Variants in EGR3 observed in about 807,000 individuals in gnomAD.
EGR3 encodes early growth response protein 3.
In EGR3, 4 loss-of-function variants were observed where a neutral mutation model predicts 22.4. The ratio of observed to expected loss-of-function variants is 0.18; its 90% confidence interval spans 0.09 to 0.41. The LOEUF (loss-of-function observed/expected upper bound fraction) is 0.41. EGR3 is among the 10% of genes least tolerant of loss of function. The pLI is 1.00. For missense variants in EGR3, 315 were observed against 541.3 expected, an observed-to-expected ratio of 0.58 and a Z score of 4.15; for synonymous variants, 219 against 226.8, an observed-to-expected ratio of 0.97 and a Z score of 0.31.
Position 22,690,097 on chromosome 8 carries a change from A to C in EGR3, c.*376T>G. 3.8e-6 allele frequency: 1 copy of C among 260,522 alleles called. No homozygotes were observed. Among genetic ancestry groups the C allele is most frequent in the Non-Finnish European group, 7.3e-6 (1 of 136,654 alleles). 16.1% of individuals were successfully genotyped at this position (260,522 alleles called of 1,614,324 possible). ...GGGGTATAGAGGGAGACGTGGGGGA[A>C]ACAATGAGGTGTTTGGGTCGGGCGA... On this transcript the variant is annotated 3_prime_UTR_variant, in exon 2 of 2. Coordinates refer to ENST00000317216, the MANE Select transcript of EGR3 (RefSeq NM_004430.3).
rs1803847687 is a variant in EGR3, at chr8:22,688,794, T to G, written c.*1679A>C. ...CTGTGGCAGAGAGCAACCTTCCCTATTACTCCACTTCAAAGGAGCCACCCT... is the reference window on the plus strand; with the variant it reads ...CTGTGGCAGAGAGCAACCTTCCCTAGTACTCCACTTCAAAGGAGCCACCCT... On this transcript the variant is annotated 3_prime_UTR_variant, in exon 2 of 2. Coordinates refer to ENST00000317216, the MANE Select transcript of EGR3 (RefSeq NM_004430.3). The G allele has an allele frequency of 6.5e-6, 1 of 152,720 alleles. No individual in the cohort carries two copies. The highest frequency in any genetic ancestry group is 2.4e-5 in the African/African-American group (1 of 41,534). The allele number at this position is 152,720 out of a possible 1,614,324, so 9.5% of individuals were successfully genotyped here. A position where few individuals can be genotyped will look rare whatever the true frequency, so the allele number is the denominator to read the frequency against.
At position 22,690,470 on chromosome 8, in the gene EGR3, T is replaced by A; in HGVS notation, c.*3A>T. 6.3e-7 allele frequency: 1 copy of A among 1,594,820 alleles called. No individual in the cohort carries two copies. ...GAAAAGTGGGGATCTGGGGGCCCGA[T>A]CCTCAGGCGCAGGTGGTGACCACGG... On this transcript the variant is annotated 3_prime_UTR_variant, in exon 2 of 2. Coordinates refer to ENST00000317216, the MANE Select transcript of EGR3 (RefSeq NM_004430.3).
At position 22,690,489 on chromosome 8, in the gene EGR3, A is replaced by G. The variant is rs757503730; in HGVS notation, c.1148T>C (p.Val383Ala). 1 of 1,605,158 alleles carries G rather than the reference A, an allele frequency of 6.2e-7. No individual in the cohort carries two copies. The highest frequency in any genetic ancestry group is 1.1e-5 in the South Asian group (1 of 90,834). ...GCCCGATCCTCAGGCGCAGGTGGTG[A>G]CCACGGGGGCCAGCGACACGGGGGG... ...SAPPVSLAPV[V>A]TTCA Residue 383 changes from valine (V) to alanine (A), a missense_variant, in exon 2 of 2, where the codon GTC (valine) becomes GCC (alanine). Physicochemically the swap from Val to Ala is moderately conservative, Grantham distance 64. Transcript: ENST00000317216.
intron 1 of EGR3, 23 bp from the exon 2 acceptor site, chr8:22,691,505 G>A (rs776805510): frequency 9.3e-6 from 15 of 1,607,422 alleles, no homozygotes; most frequent in Non-Finnish European, 1.2e-5. Flanking sequence ...GGGGAGAGAG[G>A]GGAGGGGTGA....
In EGR3 at chr8:22,689,353, T is replaced by C. The variant is rs1258523036; in HGVS notation, c.*1120A>G. The C allele has an allele frequency of 1.3e-5, 2 of 152,626 alleles. No individual in the cohort carries two copies. Among genetic ancestry groups the C allele is most frequent in the Non-Finnish European group, 2.9e-5 (2 of 68,040 alleles). The allele number at this position is 152,626 out of a possible 1,614,324, so 9.5% of individuals were successfully genotyped here. ...ACTTATATTTAAATTCTATCTGTTG[T>C]GTTGGTGATGACAAAGGGCAAAAGC... is the stretch of plus-strand genomic sequence containing the variant. On this transcript the variant is annotated 3_prime_UTR_variant, in exon 2 of 2. Coordinates refer to ENST00000317216, the MANE Select transcript of EGR3 (RefSeq NM_004430.3).
In EGR3 at chr8:22,688,553, G is replaced by A. The variant is rs1433050536; in HGVS notation, c.*1920C>T. 1 of 152,080 alleles carries A rather than the reference G, an allele frequency of 6.6e-6. No homozygotes were observed. The highest frequency in any genetic ancestry group is 1.5e-5 in the Non-Finnish European group (1 of 68,004). The allele number at this position is 152,080 out of a possible 1,614,324, so 9.4% of individuals were successfully genotyped here. A position where few individuals can be genotyped will look rare whatever the true frequency, so the allele number is the denominator to read the frequency against. On this transcript the variant is annotated 3_prime_UTR_variant, in exon 2 of 2. Coordinates refer to ENST00000317216, the MANE Select transcript of EGR3 (RefSeq NM_004430.3). ...CCCCCTTTCCACTAGAGTCCTTTTAGTATTATTTATCCACCACCAAAAATC... is the reference window on the plus strand; with the variant it reads ...CCCCCTTTCCACTAGAGTCCTTTTAATATTATTTATCCACCACCAAAAATC...
chr8:22,691,550 G>T, intron 1 of EGR3, 68 bp from the exon 2 acceptor site: 1 of 1,569,556 alleles, frequency 6.4e-7, no homozygotes. Flanking sequence ...GCGGCGCCCA[G>T]GTCCTTGCCC....
chr8:22,690,296 C>A lies in EGR3; in HGVS notation c.*177G>T. 1.6e-6 allele frequency: 1 copy of A among 618,554 alleles called. No individual in the cohort carries two copies. Among genetic ancestry groups the A allele is most frequent in the East Asian group, 2.8e-5 (1 of 35,692 alleles). The allele number at this position is 618,554 out of a possible 1,614,324, so 38.3% of individuals were successfully genotyped here. A position where few individuals can be genotyped will look rare whatever the true frequency, so the allele number is the denominator to read the frequency against. Reference sequence around the variant, plus strand: ...GGCGCCTCCAGCCCTGGCCCCTGACCGCTGGCCGGCGTGAAAGGTTGGGAA... The same window carrying A: ...GGCGCCTCCAGCCCTGGCCCCTGACAGCTGGCCGGCGTGAAAGGTTGGGAA... On this transcript the variant is annotated 3_prime_UTR_variant, in exon 2 of 2. Coordinates refer to ENST00000317216, the MANE Select transcript of EGR3 (RefSeq NM_004430.3).
In EGR3 at chr8:22,692,024, C is replaced by G. The variant is rs1214897061; in HGVS notation, c.155-542G>C. 2.3e-6 allele frequency: 3 copies of G among 1,304,124 alleles called. No homozygotes were observed. Among genetic ancestry groups the G allele is most frequent in the Non-Finnish European group, 1.9e-6 (2 of 1,027,256 alleles). The allele number at this position is 1,304,124 out of a possible 1,614,324, so 80.8% of individuals were successfully genotyped here. ...AAGGGTGTCGCCCTCAAAGGGAGCT[C>G]TCCCTTCACCTACCCCGGCCCCAGC... is the stretch of plus-strand genomic sequence containing the variant. On this transcript the variant is annotated intron_variant, in intron 1 of 1. Transcript: ENST00000317216. This position sits in a 1 kb window ranked among gnomAD's most constrained non-coding sequence, Gnocchi z 6.2.
At chr8:22,691,629 A>G (rs1803962886) in intron 1 of EGR3, 147 bp from the exon 2 acceptor site, 3 of 1,430,336 alleles carry the variant, frequency 2.1e-6, no homozygotes, top group South Asian at 1.4e-5. Context: ...GCCCCGCGCA[A>G]AGCGGGCGGT....
chr8:22,688,102 T>TA lies in EGR3; in HGVS notation c.*2370dup, dbSNP rs1236504336. On this transcript the variant is annotated 3_prime_UTR_variant, in exon 2 of 2. Coordinates refer to ENST00000317216, the MANE Select transcript of EGR3 (RefSeq NM_004430.3). ...TTTTTTTCTCTCAGTTCACATAAGT[T>TA]AGAGTGCATTTTCTTTTGTTGCTTT... 1.3e-5 allele frequency: 2 copies of TA among 152,518 alleles called. No individual in the cohort carries two copies. The highest frequency in any genetic ancestry group is 2.9e-5 in the Non-Finnish European group (2 of 68,016). The allele number at this position is 152,518 out of a possible 1,614,324, so 9.4% of individuals were successfully genotyped here. A position where few individuals can be genotyped will look rare whatever the true frequency, so the allele number is the denominator to read the frequency against.
At chr8:22,691,650 C>G (rs1803964200) in intron 1 of EGR3, 168 bp from the exon 2 acceptor site, 1 of 972,508 alleles carries the variant, frequency 1.0e-6, no homozygotes, top group Non-Finnish European at 1.2e-6. Flanking sequence ...GCCGCGCTCC[C>G]GGGCGCAACC....
At chr8:22,691,598 A>G (rs1455830585) in intron 1 of EGR3, 116 bp from the exon 2 acceptor site, 6 of 1,478,938 alleles carry the variant, frequency 4.1e-6, no homozygotes, top group East Asian at 2.3e-5. Flanking sequence ...TGCGTAGCGC[A>G]TGGGGTAAGA....
Position 22,692,635 on chromosome 8 carries a change from G to A in EGR3, c.154+156C>T. 1 of 1,429,710 alleles carries A rather than the reference G, an allele frequency of 7.0e-7. No homozygotes were observed. Among genetic ancestry groups the A allele is most frequent in the Non-Finnish European group, 9.2e-7 (1 of 1,087,792 alleles). The allele number at this position is 1,429,710 out of a possible 1,614,324, so 88.6% of individuals were successfully genotyped here. On this transcript the variant is annotated intron_variant, in intron 1 of 1. Coordinates refer to ENST00000317216, the MANE Select transcript of EGR3 (RefSeq NM_004430.3). This position sits in a 1 kb window ranked among gnomAD's most constrained non-coding sequence, Gnocchi z 6.2. Reference sequence around the variant, plus strand: ...ACTCGCCCCCCGCAAAATTCCCAGCGCGCCCCCATCTCTCCATCCATTTAT... The same window carrying A: ...ACTCGCCCCCCGCAAAATTCCCAGCACGCCCCCATCTCTCCATCCATTTAT...
chr8:22,692,677 C>G lies in EGR3; in HGVS notation c.154+114G>C. ...TCCATTTATCTATCCACCCATCCAC[C>G]CATCCATCCATCCATCCATCCATCC... On this transcript the variant is annotated intron_variant, in intron 1 of 1. Transcript: ENST00000317216. This position sits in a 1 kb window ranked among gnomAD's most constrained non-coding sequence, Gnocchi z 6.2. 1 of 1,028,254 alleles carries G rather than the reference C, an allele frequency of 9.7e-7. No homozygotes were observed. The highest frequency in any genetic ancestry group is 2.9e-5 in the East Asian group (1 of 34,000). The allele number at this position is 1,028,254 out of a possible 1,614,324, so 63.7% of individuals were successfully genotyped here. A position where few individuals can be genotyped will look rare whatever the true frequency, so the allele number is the denominator to read the frequency against.
chr8:22,692,139 C>T lies in EGR3; in HGVS notation c.154+652G>A. The T allele has an allele frequency of 7.3e-7, 1 of 1,365,342 alleles. No individual in the cohort carries two copies. 84.6% of individuals were successfully genotyped at this position (1,365,342 alleles called of 1,614,324 possible). A position where few individuals can be genotyped will look rare whatever the true frequency, so the allele number is the denominator to read the frequency against. On this transcript the variant is annotated intron_variant, in intron 1 of 1. Transcript: ENST00000317216. The surrounding 1 kb of genome is among the most constrained non-coding windows in gnomAD (Gnocchi z 6.2). ...GGGTGGAGAGCGGCGGAAAACCGGC[C>T]GGTGTCTCCATGGCGGGAGAGGCCG...
At position 22,692,660 on chromosome 8, in the gene EGR3, TCTATCCAC is replaced by T; in HGVS notation, c.154+123_154+130del. The stretch of plus-strand genomic sequence containing the variant: ...GCGCCCCCATCTCTCCATCCATTTA[TCTATCCAC>T]CCATCCACCCATCCATCCATCCATC... On this transcript the variant is annotated intron_variant, in intron 1 of 1. Transcript: ENST00000317216. The surrounding 1 kb of genome is among the most constrained non-coding windows in gnomAD (Gnocchi z 6.2). 6.9e-7 allele frequency: 1 copy of T among 1,443,382 alleles called. No homozygotes were observed. Among genetic ancestry groups the T allele is most frequent in the Non-Finnish European group, 9.2e-7 (1 of 1,088,234 alleles). The allele number at this position is 1,443,382 out of a possible 1,614,324, so 89.4% of individuals were successfully genotyped here. A position where few individuals can be genotyped will look rare whatever the true frequency, so the allele number is the denominator to read the frequency against.
chr8:22,691,084 T>A lies in EGR3; in HGVS notation c.553A>T (p.Ser185Cys), dbSNP rs779641186. Residue 185 changes from serine (S) to cysteine (C), a missense_variant, in exon 2 of 2, where the codon AGC becomes TGC. By Grantham distance (112) the Ser-to-Cys change is moderately radical (BLOSUM62 -1). This residue lies in a region of EGR3 where 227 missense variants were observed against 303.6 expected (regional missense o/e 0.75). Transcript: ENST00000317216. ...DYQSAKPALDSNLFPMIPDYN... is the reference protein window; with the variant it reads ...DYQSAKPALDCNLFPMIPDYN... The stretch of plus-strand genomic sequence containing the variant: ...TCAGGAATCATGGGGAAGAGATTGC[T>A]GTCCAACGCCGGCTTGGCCGATTGG... 1 of 1,613,630 alleles carries A rather than the reference T, an allele frequency of 6.2e-7. No homozygotes were observed. The highest frequency in any genetic ancestry group is 8.5e-7 in the Non-Finnish European group (1 of 1,179,602).
chr8:22,689,129 C>A lies in EGR3; in HGVS notation c.*1344G>T, dbSNP rs1467132414. ...ATATAATCTCATCAGTTAACATTTT[C>A]ATAAAAAATAAATCATTTAAAGCTG... On this transcript the variant is annotated 3_prime_UTR_variant, in exon 2 of 2. Transcript: ENST00000317216. 17 of 152,622 alleles carry A rather than the reference C, an allele frequency of 1.1e-4. No individual in the cohort carries two copies. Among genetic ancestry groups the A allele is most frequent in the Non-Finnish European group, 1.5e-5 (1 of 68,042 alleles). The allele number at this position is 152,622 out of a possible 1,614,324, so 9.5% of individuals were successfully genotyped here.
Sources: gnomAD v4.1 joint callset for allele counts on GRCh38, gnomAD v4.1.1 for gene constraint, gnomAD v4.1.1 regional missense constraint, Gnocchi (gnomAD v3.1) non-coding constraint, MANE v1.5 for transcripts, NCBI Gene and HGNC (gene_info 2026-07-23, HGNC 2026-07-21) for gene names.